LRRN2: variants seen among roughly 807,000 people sequenced by gnomAD.
LRRN2 encodes leucine rich repeat neuronal 2.
In LRRN2, 10 loss-of-function variants were observed where a neutral mutation model predicts 35.7. The ratio of observed to expected loss-of-function variants is 0.28; its 90% CI spans 0.17 to 0.47. The LOEUF (loss-of-function observed/expected upper bound fraction) is 0.47, where lower values mean the gene tolerates loss of function less well. Ranked by LOEUF, LRRN2 falls within the 20% of genes least tolerant of loss-of-function variation. LRRN2 has a pLI of 0.99. For synonymous variants in LRRN2, 391 were observed against 409.6 expected (o/e 0.95, Z 0.55); for missense variants, 731 against 940.3 (o/e 0.78, Z 2.91).
intron 1 of LRRN2, among the ~76,000 whole-genome samples, chr1:204,679,334 T>A (rs556609458): frequency 3.2e-4 from 48 of 152,314 alleles, no homozygotes; most frequent in Admixed American, 1.2e-3. Flanking sequence ...ACCTCTGCCC[T>A]CCCAAGCCAA....
intron 1 of LRRN2, among the ~76,000 whole-genome samples, chr1:204,675,495 G>C (rs1255384761): frequency 1.3e-5 from 2 of 152,194 alleles, no homozygotes; most frequent in African/African-American, 4.8e-5. Context: ...GCTGCCCACA[G>C]GCCCTGGCCC....
At chr1:204,669,936 C>T (rs1438129878) in intron 1 of LRRN2, among the ~76,000 whole-genome samples, 7 of 152,012 alleles carry the variant, frequency 4.6e-5, no homozygotes. Context: ...AAGGTCAGTC[C>T]AGCAGCAATT....
At chr1:204,661,068 G>A (rs1353804289) in intron 1 of LRRN2, among the ~76,000 whole-genome samples, 1 of 152,138 alleles carries the variant, frequency 6.6e-6, no homozygotes, top group Non-Finnish European at 1.5e-5. Context: ...GTTAGGGCTA[G>A]GTCCTGAAAA....
In LRRN2 at chr1:204,638,701, C is replaced by T. The variant is rs1337964294; in HGVS notation, c.-226-18483G>A. Among the ~76,000 whole-genome samples the T allele has an allele frequency of 5.3e-5, 8 of 152,284 alleles. No homozygotes were observed. In the South Asian group the frequency reaches 1.4e-3, roughly 28 times the overall value. Reference sequence around the variant, plus strand: ...CTGGGATTACAGGCGTGAGCCACCGCGCCCGGCCAGGTCTTCTAAGTAGTA... The same window carrying T: ...CTGGGATTACAGGCGTGAGCCACCGTGCCCGGCCAGGTCTTCTAAGTAGTA... On this transcript the variant is annotated intron_variant, in intron 1 of 1. Transcript: ENST00000367177.
intron 1 of LRRN2, among the ~76,000 whole-genome samples, chr1:204,665,494 A>T (rs1054631987): frequency 6.6e-6 from 1 of 152,088 alleles, no homozygotes; most frequent in Non-Finnish European, 1.5e-5. Context: ...TGAGGTCAAG[A>T]CCCACAGTTT....
rs1472517371 is a variant in LRRN2, at chr1:204,673,748, C to T, written c.-227+11572G>A. Among the ~76,000 whole-genome samples the T allele has an allele frequency of 2.0e-5, 3 of 152,162 alleles. No individual in the cohort carries two copies. In the East Asian group the frequency reaches 5.8e-4, roughly 29 times the overall value. The stretch of plus-strand genomic sequence containing the variant: ...CGAAGAAAAGTGGAGAGGGGTCTGG[C>T]CCCTGCTCCTCTCAGCCCCTGTGAT... On this transcript the variant is annotated intron_variant, in intron 1 of 1. Transcript: ENST00000367177.
rs560174757 is a variant in LRRN2, at chr1:204,678,246, T to A, written c.-227+7074A>T. Among the ~76,000 whole-genome samples, 3 of 152,328 alleles carry A rather than the reference T, an allele frequency of 2.0e-5. No homozygotes were observed. In the East Asian group the frequency reaches 5.8e-4, roughly 29 times the overall value. The stretch of plus-strand genomic sequence containing the variant: ...TGCCTCCCCAGCTGATCAGTAGGTT[T>A]CCTTACCAGTAAAGACTGTGTCCTG... On this transcript the variant is annotated intron_variant, in intron 1 of 1. Transcript: ENST00000367177.
chr1:204,623,492 C>T (rs1385039811), intron 1 of LRRN2, among the ~76,000 whole-genome samples: 1 of 152,208 alleles, frequency 6.6e-6, no homozygotes, highest in Non-Finnish European at 1.5e-5. Context: ...TCACACTGCA[C>T]CTCTGACCCC....
In LRRN2 at chr1:204,618,006, G is replaced by T; in HGVS notation, c.1987C>A (p.Arg663=). 1 of 1,612,636 alleles carries T rather than the reference G, an allele frequency of 6.2e-7. No individual in the cohort carries two copies. The highest frequency in any genetic ancestry group is 8.5e-7 in the Non-Finnish European group (1 of 1,179,384). The change falls in exon 2 of 2, where the codon CGG becomes AGG. Residue 663 remains arginine, a synonymous_variant. Coordinates refer to ENST00000367177, the MANE Select transcript of LRRN2 (RefSeq NM_201630.2). ...AAAGCCCAGGCTGGAGGGAGAGGCCGCCTCCCACCCACACCCTTCCTGGGT... is the reference window on the plus strand; with the variant it reads ...AAAGCCCAGGCTGGAGGGAGAGGCCTCCTCCCACCCACACCCTTCCTGGGT... The part of the protein sequence containing the change: ...GQPRKGVGGR[R]PLPPAWAFWG...
At chr1:204,640,521 G>T (rs985303014) in intron 1 of LRRN2, among the ~76,000 whole-genome samples, 3 of 152,182 alleles carry the variant, frequency 2.0e-5, no homozygotes, top group Non-Finnish European at 2.9e-5. Flanking sequence ...AGCAAACGGA[G>T]CCTGTAGAAC....
intron 1 of LRRN2, among the ~76,000 whole-genome samples, chr1:204,656,011 G>A (rs1221419491): frequency 2.0e-5 from 3 of 152,148 alleles, no homozygotes; most frequent in Middle Eastern, 3.2e-3. Context: ...CCAGGTTCAC[G>A]CCATTCTCCT....
intron 1 of LRRN2, among the ~76,000 whole-genome samples, chr1:204,683,393 A>C (rs1668994916): frequency 1.3e-5 from 2 of 151,748 alleles, no homozygotes; most frequent in Non-Finnish European, 2.9e-5. Context: ...GAGGAAGAGC[A>C]GTGTGAGGGG....
At chr1:204,645,962 A>C (rs569873359) in intron 1 of LRRN2, among the ~76,000 whole-genome samples, 1 of 152,166 alleles carries the variant, frequency 6.6e-6, no homozygotes, top group Admixed American at 6.5e-5. Flanking sequence ...GTGGGGAGAG[A>C]GAGCCAAACC....
intron 1 of LRRN2, among the ~76,000 whole-genome samples, chr1:204,657,977 T>G (rs867392286): frequency 7.3e-6 from 1 of 137,506 alleles, no homozygotes; most frequent in African/African-American, 2.7e-5. Flanking sequence ...GTTCTTTTTT[T>G]TTTTTTTTTT....
chr1:204,644,586 G>C (rs1240686681), intron 1 of LRRN2, among the ~76,000 whole-genome samples: 1 of 152,152 alleles, frequency 6.6e-6, no homozygotes, highest in Non-Finnish European at 1.5e-5. Context: ...CCAAGTGCCA[G>C]CTCAGTTGTC....
chr1:204,671,642 TAAAA>T (rs35192809), intron 1 of LRRN2, among the ~76,000 whole-genome samples: 1 of 30,246 alleles, frequency 3.3e-5, no homozygotes, highest in African/African-American at 1.4e-4. Flanking sequence ...TAATTGATGG[TAAAA>T]AAAAAAAAAA....
At position 204,618,883 on chromosome 1, in the gene LRRN2, G is replaced by A. The variant is rs759418264; in HGVS notation, c.1110C>T (p.Pro370=). The A allele has an allele frequency of 6.2e-7, 1 of 1,614,184 alleles. No individual in the cohort carries two copies. Among genetic ancestry groups the A allele is most frequent in the East Asian group, 2.2e-5 (1 of 44,882 alleles). ...NLQEVGLHGN[P]IRCDCVIRWA... is the part of the protein sequence containing the mutation. ...AGCGGATGACACAGTCACAGCGGATGGGGTTGCCGTGGAGACCTACCTCCT... is the reference window on the plus strand; with the variant it reads ...AGCGGATGACACAGTCACAGCGGATAGGGTTGCCGTGGAGACCTACCTCCT... The change falls in exon 2 of 2, where the codon CCC becomes CCT. Residue 370 remains proline (P), a synonymous_variant. Coordinates refer to ENST00000367177, the MANE Select transcript of LRRN2 (RefSeq NM_201630.2).
intron 1 of LRRN2, among the ~76,000 whole-genome samples, chr1:204,633,774 C>T (rs1667766162): frequency 6.6e-6 from 1 of 152,252 alleles, no homozygotes; most frequent in Non-Finnish European, 1.5e-5. Flanking sequence ...CCTTCCACTT[C>T]CTCAAGCCTG....
chr1:204,668,084 A>G (rs1668609957), intron 1 of LRRN2, among the ~76,000 whole-genome samples: 1 of 152,214 alleles, frequency 6.6e-6, no homozygotes, highest in Non-Finnish European at 1.5e-5. Flanking sequence ...TCATAGACCT[A>G]TGAAGATCTG....
Sources: gnomAD v4.1 joint callset for allele counts (sites outside exome capture counted in the v4.1 genomes callset) on GRCh38, gnomAD v4.1.1 for gene constraint, MANE v1.5 for transcripts, NCBI Gene and HGNC (gene_info 2026-07-23, HGNC 2026-07-21) for gene names.